Variants in LARGE1 observed in about 807,000 individuals in gnomAD.
LARGE1 encodes xylosyl- and glucuronyltransferase LARGE1.
LARGE1 carries 43 observed loss-of-function variants against 87.6 expected under a neutral mutation model. That is an observed-to-expected ratio of 0.49 (90% confidence interval 0.38 to 0.63). LARGE1 has a LOEUF of 0.63. Ranked by LOEUF, LARGE1 falls within the 30% of genes least tolerant of loss-of-function variation. LARGE1 has a pLI of 0.00. For missense variants in LARGE1, 802 were observed against 1,000.2 expected (o/e 0.80, Z 2.67); for synonymous variants, 434 against 394.6 (o/e 1.10, Z -1.18).
intron 1 of LARGE1, among the ~76,000 whole-genome samples, chr22:33,847,170 C>T (rs754628737): frequency 4.6e-5 from 7 of 152,220 alleles, no homozygotes; most frequent in Admixed American, 6.5e-5. Context: ...TCAAGCCAGC[C>T]GACGCTTAGG....
chr22:33,085,154 T>C, the LARGE1 span, among the ~76,000 whole-genome samples: 3 of 152,172 alleles, frequency 2.0e-5, no homozygotes, highest in African/African-American at 7.2e-5. Context: ...CGGGCACCTG[T>C]AGTCCCAGCT....
chr22:33,134,156 T>C, the LARGE1 span, among the ~76,000 whole-genome samples: 1 of 152,024 alleles, frequency 6.6e-6, no homozygotes, highest in Non-Finnish European at 1.5e-5. Flanking sequence ...AAACCAAATT[T>C]GAAACTTGAT....
Position 33,192,862 on chromosome 22 carries a change from G to T in LARGE1, c.1731-26030C>A, listed in dbSNP as rs1174134162. ...TTTTTGTGTATGGGGTGAGATAAGA[G>T]TCCAATTACATTCTTCATGTGTGGA... On this transcript the variant is annotated intron_variant, in intron 11 of 11. Transcript: ENST00000608642. 9.2e-5 allele frequency among the ~76,000 whole-genome samples: 14 copies of T among 152,226 alleles called. No individual in the cohort carries two copies. The East Asian group carries it at 1.9e-3, about 21-fold the overall frequency.
At chr22:33,434,308 T>C (rs555236865) in intron 6 of LARGE1, among the ~76,000 whole-genome samples, 1 of 152,286 alleles carries the variant, frequency 6.6e-6, no homozygotes, top group East Asian at 1.9e-4. Flanking sequence ...AAGGGTCTTT[T>C]GTTTTGTTTT....
chr22:33,139,623 C>T, the LARGE1 span, among the ~76,000 whole-genome samples: 1 of 152,050 alleles, frequency 6.6e-6, no homozygotes, highest in African/African-American at 2.4e-5. Flanking sequence ...AACTCCAAAA[C>T]TTTCATTTTC....
At chr22:33,120,347 C>CTTTTCTTTCT in the LARGE1 span, among the ~76,000 whole-genome samples, 2 of 119,884 alleles carry the variant, frequency 1.7e-5, no homozygotes, top group Non-Finnish European at 3.5e-5. Flanking sequence ...CTTTTTCTTT[C>CTTTTCTTTCT]TTTTCTTTCT....
the LARGE1 span, among the ~76,000 whole-genome samples, chr22:33,128,719 AGAAAAGAAAG>A: frequency 7.6e-6 from 1 of 132,396 alleles, no homozygotes; most frequent in African/African-American, 2.8e-5. Context: ...AGAAAAGAAA[AGAAAAGAAAG>A]TGCGGTACAT....
intron 10 of LARGE1, among the ~76,000 whole-genome samples, chr22:33,320,401 TGCAGATCCTGCTGGGTAGAA>T (rs1278404192): frequency 6.6e-6 from 1 of 152,226 alleles, no homozygotes; most frequent in Non-Finnish European, 1.5e-5. Flanking sequence ...GTGAGACCTC[TGCAGATCCTGCTGGGTAGAA>T]GCAATCCGTT....
intron 6 of LARGE1, among the ~76,000 whole-genome samples, chr22:33,458,865 C>T (rs548346138): frequency 6.6e-6 from 1 of 152,228 alleles, no homozygotes; most frequent in South Asian, 2.1e-4. Flanking sequence ...GAAAATAATC[C>T]TTGCCCTACT....
At chr22:33,153,224 C>T in the LARGE1 span, among the ~76,000 whole-genome samples, 1 of 151,920 alleles carries the variant, frequency 6.6e-6, no homozygotes, top group Non-Finnish European at 1.5e-5. Context: ...CATGAAGTTT[C>T]ATTATGTTGC....
chr22:33,351,348 C>T (rs771391127), intron 9 of LARGE1, among the ~76,000 whole-genome samples: 21 of 152,206 alleles, frequency 1.4e-4, no homozygotes, highest in Non-Finnish European at 2.6e-4. Context: ...GGTGGCATGG[C>T]GCTCTCAAAT....
chr22:33,136,997 T>A, the LARGE1 span: 1 of 152,124 alleles, frequency 6.6e-6, no homozygotes, highest in South Asian at 2.1e-4. Flanking sequence ...TCCATAGCCA[T>A]GAAATGAATG....
At chr22:33,082,894 G>A in the LARGE1 span, among the ~76,000 whole-genome samples, 3 of 151,972 alleles carry the variant, frequency 2.0e-5, no homozygotes, top group East Asian at 1.9e-4. Flanking sequence ...GCGTGGTGGC[G>A]GGCACCTGTA....
At chr22:33,496,048 G>A (rs1201165609) in intron 6 of LARGE1, among the ~76,000 whole-genome samples, 2 of 152,190 alleles carry the variant, frequency 1.3e-5, no homozygotes, top group African/African-American at 4.8e-5. Flanking sequence ...CCATCTATAA[G>A]CTGAGGTGCA....
intron 9 of LARGE1, among the ~76,000 whole-genome samples, chr22:33,372,889 C>A (rs9609772): frequency 0.15 from 22,163 of 152,030 alleles, 1,862 homozygotes; most frequent in South Asian, 0.35. Context: ...AGACAGGAAT[C>A]CATAAGTAGG....
chr22:33,646,075 G>A (rs1295859843), intron 3 of LARGE1, among the ~76,000 whole-genome samples: 1 of 151,954 alleles, frequency 6.6e-6, no homozygotes, highest in Non-Finnish European at 1.5e-5. Flanking sequence ...ATTTGACCCA[G>A]CAATCTACTG....
rs145723768 is a variant in LARGE1 at position 33,186,628 on chromosome 22, T to C, written c.1731-19796A>G. On this transcript the variant is annotated intron_variant, in intron 11 of 11. Coordinates refer to the LARGE1 transcript ENST00000608642. ...CTCTTATTACTTCTACTCAGCATTC[T>C]ACTGGGAGTCCTAGCCAGTGGAATA... Among the ~76,000 whole-genome samples the C allele has an allele frequency of 7.9e-3, 1,207 of 152,286 alleles. 53 individuals are homozygous for C. The South Asian group carries it at 0.12, about 15-fold the overall frequency.
Position 33,565,129 on chromosome 22 carries a change from A to G in LARGE1, c.616-110T>C. 3.0e-6 allele frequency: 3 copies of G among 996,668 alleles called. No homozygotes were observed. The South Asian group carries it at 4.4e-5, about 15-fold the overall frequency. The allele number at this position is 996,668 out of a possible 1,614,324, so 61.7% of individuals were successfully genotyped here. On this transcript the variant is annotated intron_variant, in intron 5 of 14. Transcript: ENST00000397394. ...GCCTAGCACACAAAAAGTATCCAATAAAAATTTGTTGAATAAATGAATGAG... is the reference window on the plus strand; with the variant it reads ...GCCTAGCACACAAAAAGTATCCAATGAAAATTTGTTGAATAAATGAATGAG...
intron 1 of LARGE1, among the ~76,000 whole-genome samples, chr22:33,864,753 G>C (rs1253697518): frequency 4.6e-5 from 7 of 152,140 alleles, no homozygotes; most frequent in Non-Finnish European, 8.8e-5. Context: ...CACAGAACAG[G>C]GCTTTCCCCA....
Sources: gnomAD v4.1 joint callset for allele counts (sites outside exome capture counted in the v4.1 genomes callset) on GRCh38, gnomAD v4.1.1 for gene constraint, MANE v1.5 for transcripts, NCBI Gene and HGNC (gene_info 2026-07-23, HGNC 2026-07-21) for gene names.